MON1B: variants seen among roughly 807,000 people sequenced by gnomAD.
MON1B encodes the protein MON1 vesicular trafficking associated B, also known as vacuolar fusion protein MON1 homolog B.
In MON1B, 26 loss-of-function variants were observed where a neutral mutation model predicts 45.1. That is an observed-to-expected ratio of 0.58 (90% confidence interval 0.42 to 0.80). MON1B has a LOEUF of 0.80. Among genes scored for constraint, MON1B ranks in the 30% least tolerant of loss-of-function variants. MON1B has a pLI of 0.00. For synonymous variants in MON1B, 395 were observed against 320.2 expected (o/e 1.23, Z -2.49); for missense variants, 737 against 754.5 (o/e 0.98, Z 0.27).
Position 77,200,291 on chromosome 16 carries a change from T to TATATATATGTATATATATATATAC in MON1B, c.*1984_*1985insTATATATGTATATATATATATACA. ...ATATATGTGTATATATATATATATA[T>TATATATATGTATATATATATATAC]ACACACACTAATCAGCCGGGCGCGG... On this transcript the variant is annotated 3_prime_UTR_variant, in exon 6 of 6. Transcript: ENST00000248248. The TATATATATGTATATATATATATAC allele has an allele frequency of 9.0e-6, 1 of 111,430 alleles. No homozygotes were observed. Among genetic ancestry groups the TATATATATGTATATATATATATAC allele is most frequent in the African/African-American group, 3.4e-5 (1 of 29,728 alleles). The allele number at this position is 111,430 out of a possible 1,614,324, so 6.9% of individuals were successfully genotyped here. A position where few individuals can be genotyped will look rare whatever the true frequency, so the allele number is the denominator to read the frequency against.
chr16:77,196,097 T>C (rs1412011102), intron 5 of MON1B, among the ~76,000 whole-genome samples: 1 of 152,160 alleles, frequency 6.6e-6, no homozygotes, highest in African/African-American at 2.4e-5. Flanking sequence ...TGCTGTGCCC[T>C]CCACCTGGGG....
chr16:77,195,178 T>A (rs541971591), intron 4 of MON1B, 24 bp downstream of exon 4: 1 of 1,514,084 alleles, frequency 6.6e-7, no homozygotes, highest in African/African-American at 1.4e-5. Flanking sequence ...CTAAGGCAAC[T>A]GGCTGGGTGG....
Position 77,199,416 on chromosome 16 carries a change from T to G in MON1B, c.*1108T>G, listed in dbSNP as rs1376277050. 4.5e-6 allele frequency: 7 copies of G among 1,549,330 alleles called. No individual in the cohort carries two copies. Among genetic ancestry groups the G allele is most frequent in the Admixed American group, 2.0e-5 (1 of 50,814 alleles). Reference sequence around the variant, plus strand: ...ACGTGGTTTCTTTTTTAACCAGTCATCAAGCGAGGCTCGCGCGCAGGCCCC... The same window carrying G: ...ACGTGGTTTCTTTTTTAACCAGTCAGCAAGCGAGGCTCGCGCGCAGGCCCC... On this transcript the variant is annotated 3_prime_UTR_variant, in exon 6 of 6. Transcript: ENST00000248248.
In MON1B at chr16:77,191,202, A is replaced by G. The variant is rs1207300316; in HGVS notation, c.-67A>G. ...GGGCCGCACCCGGAAGTGTGATGCCACCGCCGCTACGGGGAAGTAATGGTA... is the reference window on the plus strand; with the variant it reads ...GGGCCGCACCCGGAAGTGTGATGCCGCCGCCGCTACGGGGAAGTAATGGTA... On this transcript the variant is annotated 5_prime_UTR_variant, in exon 1 of 6. Transcript: ENST00000248248. The G allele has an allele frequency of 1.3e-6, 2 of 1,535,922 alleles. No homozygotes were observed. The highest frequency in any genetic ancestry group is 2.7e-5 in the African/African-American group (2 of 73,030).
Position 77,193,955 on chromosome 16 carries a change from C to A in MON1B, c.475+178C>A. The A allele has an allele frequency of 1.5e-6, 1 of 653,522 alleles. No individual in the cohort carries two copies. Among genetic ancestry groups the A allele is most frequent in the Non-Finnish European group, 2.6e-6 (1 of 385,604 alleles). 40.5% of individuals were successfully genotyped at this position (653,522 alleles called of 1,614,324 possible). On this transcript the variant is annotated intron_variant, in intron 3 of 5. Coordinates refer to ENST00000248248, the MANE Select transcript of MON1B (RefSeq NM_014940.4). The surrounding 1 kb of genome is among the most constrained non-coding windows in gnomAD (Gnocchi z 5.0). Reference sequence around the variant, plus strand: ...GGGGGGTTCATCTCTGTCTGGCCTGCTGGTTTCTTAGTGATTGACTTGCTG... The same window carrying A: ...GGGGGGTTCATCTCTGTCTGGCCTGATGGTTTCTTAGTGATTGACTTGCTG...
chr16:77,192,597 G>A (rs1317045941), intron 2 of MON1B, among the ~76,000 whole-genome samples: 2 of 152,132 alleles, frequency 1.3e-5, no homozygotes, highest in African/African-American at 4.8e-5. Context: ...TTACTGTAGG[G>A]AGGGGAGTGG....
intron 2 of MON1B, among the ~76,000 whole-genome samples, chr16:77,192,405 G>A (rs997353315): frequency 6.6e-6 from 1 of 152,224 alleles, no homozygotes; most frequent in African/African-American, 2.4e-5. Flanking sequence ...GAAAATTATT[G>A]AGACATAGTT....
In MON1B at chr16:77,200,208, T is replaced by C. The variant is rs1422075142; in HGVS notation, c.*1900T>C. The stretch of plus-strand genomic sequence containing the variant: ...CATATACATATGTGTGTATGTGTAT[T>C]TATATGTATGTATGTATGTGTGTGT... On this transcript the variant is annotated 3_prime_UTR_variant, in exon 6 of 6. Transcript: ENST00000248248. The C allele has an allele frequency of 7.1e-6, 1 of 141,418 alleles. No individual in the cohort carries two copies. Among genetic ancestry groups the C allele is most frequent in the Non-Finnish European group, 1.5e-5 (1 of 65,382 alleles). 8.8% of individuals were successfully genotyped at this position (141,418 alleles called of 1,614,324 possible). A position where few individuals can be genotyped will look rare whatever the true frequency, so the allele number is the denominator to read the frequency against.
Position 77,193,943 on chromosome 16 carries a change from C to T in MON1B, c.475+166C>T, listed in dbSNP as rs539590226. ...TGGCGGGAGGTGGGGGGGTTCATCT[C>T]TGTCTGGCCTGCTGGTTTCTTAGTG... is the stretch of plus-strand genomic sequence containing the variant. On this transcript the variant is annotated intron_variant, in intron 3 of 5. Coordinates refer to ENST00000248248, the MANE Select transcript of MON1B (RefSeq NM_014940.4). The surrounding 1 kb of genome is among the most constrained non-coding windows in gnomAD (Gnocchi z 5.0). 1.3e-5 allele frequency: 9 copies of T among 672,430 alleles called. No individual in the cohort carries two copies. The allele number at this position is 672,430 out of a possible 1,614,324, so 41.7% of individuals were successfully genotyped here.
Position 77,198,915 on chromosome 16 carries a change from G to A in MON1B, c.*607G>A, listed in dbSNP as rs147575188. On this transcript the variant is annotated 3_prime_UTR_variant, in exon 6 of 6. Transcript: ENST00000248248. ...AGAAGGTGGCCTTCAGTGTCCACCTGTGGAACCCAGGACACAGCACCTGAC... is the reference window on the plus strand; with the variant it reads ...AGAAGGTGGCCTTCAGTGTCCACCTATGGAACCCAGGACACAGCACCTGAC... 6.1e-6 allele frequency: 1 copy of A among 162,848 alleles called. No homozygotes were observed. Among genetic ancestry groups the A allele is most frequent in the African/African-American group, 2.4e-5 (1 of 41,682 alleles). 10.1% of individuals were successfully genotyped at this position (162,848 alleles called of 1,614,324 possible).
Position 77,194,594 on chromosome 16 carries a change from G to T in MON1B, c.735G>T (p.Leu245=). The T allele has an allele frequency of 6.2e-7, 1 of 1,613,842 alleles. No homozygotes were observed. Among genetic ancestry groups the T allele is most frequent in the Non-Finnish European group, 8.5e-7 (1 of 1,179,878 alleles). ...AGCAGGACCCAGGAGCCCTGCTCCTGGGTGCCGTGCGCTGTGTGCCCCTTG... is the reference window on the plus strand; with the variant it reads ...AGCAGGACCCAGGAGCCCTGCTCCTTGGTGCCGTGCGCTGTGTGCCCCTTG... ...SMEQDPGALL[L]GAVRCVPLAR... The change falls in exon 4 of 6, where the codon CTG becomes CTT. Residue 245 remains leucine, a synonymous_variant. Coordinates refer to ENST00000248248, the MANE Select transcript of MON1B (RefSeq NM_014940.4). The surrounding 1 kb of genome is among the most constrained non-coding windows in gnomAD (Gnocchi z 8.1).
In MON1B at chr16:77,201,637, C is replaced by T. The variant is rs1013135906; in HGVS notation, c.*3329C>T. On this transcript the variant is annotated 3_prime_UTR_variant, in exon 6 of 6. Coordinates refer to ENST00000248248, the MANE Select transcript of MON1B (RefSeq NM_014940.4). ...AAAGGAGAATACGTAAGTGTATGGACCAGGAATGGTCACTGGAGTGTTGAT... is the reference window on the plus strand; with the variant it reads ...AAAGGAGAATACGTAAGTGTATGGATCAGGAATGGTCACTGGAGTGTTGAT... The T allele has an allele frequency of 1.3e-5, 2 of 151,946 alleles. No homozygotes were observed. The highest frequency in any genetic ancestry group is 2.9e-5 in the Non-Finnish European group (2 of 68,004). The allele number at this position is 151,946 out of a possible 1,614,324, so 9.4% of individuals were successfully genotyped here.
Position 77,194,770 on chromosome 16 carries a change from T to C in MON1B, c.911T>C (p.Leu304Pro). The C allele has an allele frequency of 6.2e-7, 1 of 1,613,948 alleles. No homozygotes were observed. Residue 304 changes from leucine to proline, a missense_variant, in exon 4 of 6, where the codon CTG (leucine) becomes CCG (proline). Physicochemically the swap from Leu to Pro is moderately conservative, Grantham distance 98 (BLOSUM62 -3). Coordinates refer to ENST00000248248, the MANE Select transcript of MON1B (RefSeq NM_014940.4). This position sits in a 1 kb window ranked among gnomAD's most constrained non-coding sequence, Gnocchi z 8.1. ...LAECRLDPAD[L>P]QLLLDWVGAP... Reference sequence around the variant, plus strand: ...GAGTGCCGGCTGGACCCAGCTGACCTGCAGTTGCTGCTCGACTGGGTGGGT... The same window carrying C: ...GAGTGCCGGCTGGACCCAGCTGACCCGCAGTTGCTGCTCGACTGGGTGGGT...
chr16:77,194,815 G>A lies in MON1B; in HGVS notation c.956G>A (p.Gly319Asp). The A allele has an allele frequency of 6.2e-7, 1 of 1,611,700 alleles. No homozygotes were observed. The highest frequency in any genetic ancestry group is 8.5e-7 in the Non-Finnish European group (1 of 1,179,998). The change falls in exon 4 of 6, where the codon GGT (glycine) becomes GAT (aspartate). Residue 319 changes from glycine (G) to aspartate (D), a missense_variant. By Grantham distance (94) the Gly-to-Asp change is moderately conservative. Transcript: ENST00000248248. This position sits in a 1 kb window ranked among gnomAD's most constrained non-coding sequence, Gnocchi z 8.1. ...GTGGGTGCACCAGCCTTTGCGGCGG[G>A]TGAGGCTTGGGCACCTGTGTGCCTG... ...DWVGAPAFAA[G>D]EAWAPVCLPR...
At position 77,191,269 on chromosome 16, in the gene MON1B, A is replaced by G. The variant is rs763010448; in HGVS notation, c.-11+11A>G. ...TCGGAGTTAAAACAGGTGTTTGTATATCTCTATTTCCTGAGGCCCAGTAGA... is the reference window on the plus strand; with the variant it reads ...TCGGAGTTAAAACAGGTGTTTGTATGTCTCTATTTCCTGAGGCCCAGTAGA... On this transcript the variant is annotated intron_variant, in intron 1 of 5. Transcript: ENST00000248248. 6.5e-7 allele frequency: 1 copy of G among 1,541,256 alleles called. No individual in the cohort carries two copies. The highest frequency in any genetic ancestry group is 1.2e-5 in the South Asian group (1 of 84,078).
chr16:77,201,396 T>G lies in MON1B; in HGVS notation c.*3088T>G, dbSNP rs1257311552. The G allele has an allele frequency of 6.6e-6, 1 of 152,118 alleles. No homozygotes were observed. Among genetic ancestry groups the G allele is most frequent in the South Asian group, 2.1e-4 (1 of 4,826 alleles). The allele number at this position is 152,118 out of a possible 1,614,324, so 9.4% of individuals were successfully genotyped here. A position where few individuals can be genotyped will look rare whatever the true frequency, so the allele number is the denominator to read the frequency against. The stretch of plus-strand genomic sequence containing the variant: ...CTAACTTCACCAGCAAAGGAAAAAT[T>G]GAAGGATGTATCAAGTTGCCATTTC... On this transcript the variant is annotated 3_prime_UTR_variant, in exon 6 of 6. Transcript: ENST00000248248.
chr16:77,193,885 A>G lies in MON1B; in HGVS notation c.475+108A>G. On this transcript the variant is annotated intron_variant, in intron 3 of 5. Coordinates refer to ENST00000248248, the MANE Select transcript of MON1B (RefSeq NM_014940.4). The surrounding 1 kb of genome is among the most constrained non-coding windows in gnomAD (Gnocchi z 5.0). The stretch of plus-strand genomic sequence containing the variant: ...TATCCAGCCAGCCAGGGTTGGGTCC[A>G]TGTGTGTGGATGGTCAGCCAGAGCT... 8.9e-7 allele frequency: 1 copy of G among 1,126,900 alleles called. No individual in the cohort carries two copies. Among genetic ancestry groups the G allele is most frequent in the Non-Finnish European group, 1.2e-6 (1 of 805,654 alleles). The allele number at this position is 1,126,900 out of a possible 1,614,324, so 69.8% of individuals were successfully genotyped here.
At position 77,194,105 on chromosome 16, in the gene MON1B, G is replaced by C. The variant is rs561331589; in HGVS notation, c.476-230G>C. 3 of 614,588 alleles carry C rather than the reference G, an allele frequency of 4.9e-6. No homozygotes were observed. In the Admixed American group the frequency reaches 8.4e-5, roughly 17 times the overall value. The allele number at this position is 614,588 out of a possible 1,614,324, so 38.1% of individuals were successfully genotyped here. A position where few individuals can be genotyped will look rare whatever the true frequency, so the allele number is the denominator to read the frequency against. ...GTACCATCTCTACCCGCCTGCCCGT[G>C]GTCTTTGCTGTGTATCTAACCTACT... On this transcript the variant is annotated intron_variant, in intron 3 of 5. Coordinates refer to ENST00000248248, the MANE Select transcript of MON1B (RefSeq NM_014940.4). This position sits in a 1 kb window ranked among gnomAD's most constrained non-coding sequence, Gnocchi z 8.1.
Position 77,195,555 on chromosome 16 carries a change from A to G in MON1B, c.1316A>G (p.Tyr439Cys). Residue 439 changes from tyrosine to cysteine, a missense_variant, in exon 5 of 6, where the codon TAC becomes TGC. Transcript: ENST00000248248. The stretch of plus-strand genomic sequence containing the variant: ...GGCAGCCCTGAGCTAGAGGCCCCCT[A>G]CAGCAGAGAGGAGGAGCGGCAGCGG... ...QFTSPELEAP[Y>C]SREEERQRLS... 1.2e-6 allele frequency: 2 copies of G among 1,613,906 alleles called. No homozygotes were observed. The highest frequency in any genetic ancestry group is 1.7e-6 in the Non-Finnish European group (2 of 1,179,920).
Sources: gnomAD v4.1 joint callset for allele counts (sites outside exome capture counted in the v4.1 genomes callset) on GRCh38, gnomAD v4.1.1 for gene constraint, Gnocchi (gnomAD v3.1) non-coding constraint, MANE v1.5 for transcripts, NCBI Gene and HGNC (gene_info 2026-07-23, HGNC 2026-07-21) for gene names.